The following ERP44 variants were observed in gnomAD, a reference collection of about 807,000 sequenced individuals.
The protein encoded by ERP44 is endoplasmic reticulum protein 44, also known as endoplasmic reticulum resident protein 44.
In ERP44, 25 loss-of-function variants were observed where a neutral mutation model predicts 53.4. The observed-to-expected ratio is 0.47, with a 90% CI of 0.34 to 0.65. The LOEUF (loss-of-function observed/expected upper bound fraction) is 0.65. ERP44 is among the 30% of genes least tolerant of loss of function. The pLI, the probability that ERP44 is intolerant of heterozygous loss-of-function variation, is 0.01. For synonymous variants in ERP44, 145 were observed against 161.2 expected (o/e 0.90, Z 0.76); for missense variants, 338 against 493.2 (o/e 0.69, Z 2.98).
chr9:99,984,140 C>G (rs544641698), intron 11 of ERP44, among the ~76,000 whole-genome samples: 1 of 152,264 alleles, frequency 6.6e-6, no homozygotes, highest in East Asian at 1.9e-4. Context: ...ATTCTTGCCT[C>G]TGAACCTAAT....
intron 1 of ERP44, among the ~76,000 whole-genome samples, chr9:100,074,358 A>G (rs1447565956): frequency 1.3e-5 from 2 of 152,182 alleles, no homozygotes; most frequent in African/African-American, 4.8e-5. Context: ...CACTATTCAG[A>G]ATATTCTGAC....
chr9:100,029,012 C>T (rs1825742058), intron 4 of ERP44, among the ~76,000 whole-genome samples: 1 of 152,106 alleles, frequency 6.6e-6, no homozygotes, highest in East Asian at 1.9e-4. Context: ...CTATCTCTCA[C>T]CATAAACAAA....
intron 4 of ERP44, among the ~76,000 whole-genome samples, chr9:100,033,827 A>G (rs550155472): frequency 6.6e-6 from 1 of 152,328 alleles, no homozygotes; most frequent in South Asian, 2.1e-4. Context: ...CCCTCGACAT[A>G]TCAATGCTTT....
intron 1 of ERP44, among the ~76,000 whole-genome samples, chr9:100,075,252 T>C (rs545048777): frequency 3.3e-5 from 5 of 152,260 alleles, no homozygotes; most frequent in African/African-American, 4.8e-5. Flanking sequence ...CTGCAGCAGC[T>C]GTACCAGATG....
chr9:100,034,765 A>G (rs1418332662), intron 4 of ERP44, among the ~76,000 whole-genome samples: 2 of 152,186 alleles, frequency 1.3e-5, no homozygotes, highest in Non-Finnish European at 2.9e-5. Context: ...CTCAATAGCC[A>G]AAGCAAACCT....
chr9:99,996,709 G>A (rs948978144), intron 10 of ERP44, among the ~76,000 whole-genome samples: 1 of 152,076 alleles, frequency 6.6e-6, no homozygotes, highest in Non-Finnish European at 1.5e-5. Flanking sequence ...AGTCCCCAAA[G>A]TCCATTGTTT....
chr9:100,063,607 G>T (rs1334253330), intron 1 of ERP44, among the ~76,000 whole-genome samples: 1 of 151,946 alleles, frequency 6.6e-6, no homozygotes, highest in East Asian at 1.9e-4. Context: ...TTTCAATTTA[G>T]ACTTGAATAA....
intron 4 of ERP44, among the ~76,000 whole-genome samples, chr9:100,036,775 T>C (rs1381856351): frequency 6.6e-6 from 1 of 152,186 alleles, no homozygotes; most frequent in African/African-American, 2.4e-5. Flanking sequence ...ATACTGCATG[T>C]TCTCATTCAT....
chr9:100,025,021 T>C (rs545262688), intron 4 of ERP44, among the ~76,000 whole-genome samples: 1 of 152,086 alleles, frequency 6.6e-6, no homozygotes, highest in Non-Finnish European at 1.5e-5. Flanking sequence ...CCGGCTATGG[T>C]AAGATTGAGG....
chr9:99,983,063 C>A (rs577744303), intron 11 of ERP44, among the ~76,000 whole-genome samples: 5 of 152,278 alleles, frequency 3.3e-5, no homozygotes, highest in African/African-American at 9.6e-5. Context: ...CCCTTCCCTT[C>A]TGCACGTGAC....
intron 10 of ERP44, among the ~76,000 whole-genome samples, chr9:100,001,558 C>G (rs567008736): frequency 2.6e-5 from 4 of 152,184 alleles, no homozygotes; most frequent in Admixed American, 2.6e-4. Context: ...TATCCTCTTG[C>G]TGAATTGATC....
chr9:100,077,523 A>G (rs1268690793), intron 1 of ERP44, among the ~76,000 whole-genome samples: 2 of 152,214 alleles, frequency 1.3e-5, no homozygotes, highest in Non-Finnish European at 2.9e-5. Flanking sequence ...CCAGTAATCA[A>G]GGGGTGGAAG....
chr9:99,989,124 A>G (rs541296373), intron 10 of ERP44, among the ~76,000 whole-genome samples: 55 of 152,362 alleles, frequency 3.6e-4, no homozygotes, highest in African/African-American at 1.2e-3. Context: ...GCTGAATAAA[A>G]GGCAGCAGAA....
At chr9:99,990,425 G>C (rs1043184429) in intron 10 of ERP44, among the ~76,000 whole-genome samples, 4 of 152,282 alleles carry the variant, frequency 2.6e-5, no homozygotes, top group African/African-American at 9.6e-5. Context: ...AGCTTCATAA[G>C]TGAAGGAGAA....
intron 1 of ERP44, among the ~76,000 whole-genome samples, chr9:100,060,913 T>G (rs1223769394): frequency 6.6e-6 from 1 of 152,244 alleles, no homozygotes; most frequent in Non-Finnish European, 1.5e-5. Flanking sequence ...GAGATTTTTG[T>G]TTGAAATAGA....
chr9:100,071,736 A>T (rs1226070725), intron 1 of ERP44, among the ~76,000 whole-genome samples: 1 of 152,184 alleles, frequency 6.6e-6, no homozygotes, highest in East Asian at 1.9e-4. Flanking sequence ...CCTGGCCAAC[A>T]TGGTGAAACC....
chr9:100,025,076 A>G (rs1830638460), intron 4 of ERP44, among the ~76,000 whole-genome samples: 1 of 152,216 alleles, frequency 6.6e-6, no homozygotes, highest in Admixed American at 6.5e-5. Context: ...AGACTGGGAA[A>G]CATAGAAAGA....
intron 10 of ERP44, among the ~76,000 whole-genome samples, chr9:99,996,874 G>A (rs1227377372): frequency 1.2e-5 from 1 of 82,372 alleles, no homozygotes; most frequent in Non-Finnish European, 2.3e-5. Flanking sequence ...TTTTATGGCT[G>A]AGCAGTATTC....
chr9:100,040,129 C>A (rs985073570), intron 4 of ERP44, among the ~76,000 whole-genome samples: 3 of 152,014 alleles, frequency 2.0e-5, no homozygotes, highest in Non-Finnish European at 4.4e-5. Flanking sequence ...TCAAACTATT[C>A]CAAAAAACAA....
Sources: gnomAD v4.1 joint callset for allele counts (sites outside exome capture counted in the v4.1 genomes callset) on GRCh38, gnomAD v4.1.1 for gene constraint, MANE v1.5 for transcripts, NCBI Gene and HGNC (gene_info 2026-07-23, HGNC 2026-07-21) for gene names.